SHB: variants seen among roughly 807,000 people sequenced by gnomAD.
SHB encodes SH2 domain containing adaptor protein B.
In SHB, 20 loss-of-function variants were observed where a neutral mutation model predicts 52.3. The observed-to-expected ratio is 0.38, with a 90% CI of 0.27 to 0.56. The LOEUF (loss-of-function observed/expected upper bound fraction) is 0.56. SHB is among the 20% of genes least tolerant of loss of function. The pLI, the probability that SHB is intolerant of heterozygous loss-of-function variation, is 0.71. For synonymous variants in SHB, 397 were observed against 316.5 expected (o/e 1.25, Z -2.70); for missense variants, 825 against 723.3 (o/e 1.14, Z -1.61).
rs1291062598 is a variant in SHB, at chr9:38,069,194, C to A, written c.-549G>T. 2 of 150,048 alleles carry A rather than the reference C, an allele frequency of 1.3e-5. No homozygotes were observed. The highest frequency in any genetic ancestry group is 1.8e-4 in the South Asian group (1 of 5,418). 9.3% of individuals were successfully genotyped at this position (150,048 alleles called of 1,614,324 possible). A position where few individuals can be genotyped will look rare whatever the true frequency, so the allele number is the denominator to read the frequency against. On this transcript the variant is annotated 5_prime_UTR_variant, in exon 1 of 6. Coordinates refer to ENST00000377707, the MANE Select transcript of SHB (RefSeq NM_003028.3). Reference sequence around the variant, plus strand: ...CGGCGCCCGCCGGAGCCCGCGCGCCCGTGCCCGTCCCGGCGGCGCCTGTCG... The same window carrying A: ...CGGCGCCCGCCGGAGCCCGCGCGCCAGTGCCCGTCCCGGCGGCGCCTGTCG...
At chr9:37,929,055 T>C (rs1194654254) in intron 5 of SHB, among the ~76,000 whole-genome samples, 1 of 152,228 alleles carries the variant, frequency 6.6e-6, no homozygotes, top group African/African-American at 2.4e-5. Flanking sequence ...GGGGTGGGCC[T>C]TGGGGTGCCT....
chr9:38,066,923 C>G (rs1032492788), intron 1 of SHB, among the ~76,000 whole-genome samples: 2 of 152,090 alleles, frequency 1.3e-5, no homozygotes, highest in African/African-American at 4.8e-5. Flanking sequence ...ACAACAGCCA[C>G]GCACCAGGGC....
At chr9:38,020,332 C>T (rs1821266405) in intron 1 of SHB, among the ~76,000 whole-genome samples, 1 of 152,096 alleles carries the variant, frequency 6.6e-6, no homozygotes. Flanking sequence ...TTCCTAGCCC[C>T]AATAATCTGT....
chr9:37,941,996 AAACT>A (rs1832439813), intron 5 of SHB, among the ~76,000 whole-genome samples: 1 of 152,186 alleles, frequency 6.6e-6, no homozygotes, highest in African/African-American at 2.4e-5. Flanking sequence ...CAGCAGCAAC[AAACT>A]AAGATTAATC....
At chr9:37,926,667 A>G (rs564153043) in intron 5 of SHB, among the ~76,000 whole-genome samples, 9 of 152,356 alleles carry the variant, frequency 5.9e-5, no homozygotes, top group African/African-American at 2.2e-4. Flanking sequence ...GTAGATAAAG[A>G]GGCGGTAGAG....
intron 5 of SHB, among the ~76,000 whole-genome samples, chr9:37,930,833 T>A (rs922498032): frequency 6.6e-6 from 1 of 151,982 alleles, no homozygotes; most frequent in African/African-American, 2.4e-5. Flanking sequence ...GAAAAGAAAG[T>A]TGGGGGCATC....
intron 1 of SHB, among the ~76,000 whole-genome samples, chr9:38,032,249 C>T (rs1400738396): frequency 2.0e-5 from 3 of 152,322 alleles, no homozygotes; most frequent in Admixed American, 1.3e-4. Flanking sequence ...TTCCTAATCA[C>T]CTCATTTTCA....
chr9:38,025,200 T>A (rs7850665), intron 1 of SHB, among the ~76,000 whole-genome samples: 1,792 of 152,330 alleles, frequency 0.012, 32 homozygotes, highest in African/African-American at 0.041. Flanking sequence ...CCCATCGCTG[T>A]GGACAGCTCT....
chr9:37,965,021 G>A (rs1203775236), intron 3 of SHB, among the ~76,000 whole-genome samples: 1 of 152,226 alleles, frequency 6.6e-6, no homozygotes, highest in Non-Finnish European at 1.5e-5. Flanking sequence ...CACTTATTTA[G>A]AATCCTAGAG....
In SHB at chr9:37,919,661, G is replaced by T; in HGVS notation, c.*160C>A. On this transcript the variant is annotated 3_prime_UTR_variant, in exon 6 of 6. Transcript: ENST00000377707. ...TTTATCCAGGCCTTCTCCAGCCCCCGTAAGTGGCAACAGCATTCTAGAGAC... is the reference window on the plus strand; with the variant it reads ...TTTATCCAGGCCTTCTCCAGCCCCCTTAAGTGGCAACAGCATTCTAGAGAC... 1.8e-6 allele frequency: 1 copy of T among 571,298 alleles called. No homozygotes were observed. Among genetic ancestry groups the T allele is most frequent in the Non-Finnish European group, 3.1e-6 (1 of 322,636 alleles). The allele number at this position is 571,298 out of a possible 1,614,324, so 35.4% of individuals were successfully genotyped here. A position where few individuals can be genotyped will look rare whatever the true frequency, so the allele number is the denominator to read the frequency against.
chr9:38,056,362 TG>T (rs1821821755), intron 1 of SHB, among the ~76,000 whole-genome samples: 1 of 152,214 alleles, frequency 6.6e-6, no homozygotes, highest in Non-Finnish European at 1.5e-5. Flanking sequence ...GACAGAGTCT[TG>T]CTCTGTCTTC....
chr9:38,063,716 T>G (rs1238086510), intron 1 of SHB, among the ~76,000 whole-genome samples: 1 of 152,184 alleles, frequency 6.6e-6, no homozygotes, highest in African/African-American at 2.4e-5. Flanking sequence ...AGAAGCTTCC[T>G]TTTTGGAAAG....
chr9:38,048,701 T>G (rs1821692374), intron 1 of SHB, among the ~76,000 whole-genome samples: 2 of 152,234 alleles, frequency 1.3e-5, no homozygotes, highest in African/African-American at 4.8e-5. Context: ...TTTTCCATCT[T>G]AACGATATTG....
At chr9:37,926,021 G>A (rs1276568742) in intron 5 of SHB, among the ~76,000 whole-genome samples, 1 of 152,150 alleles carries the variant, frequency 6.6e-6, no homozygotes, top group Non-Finnish European at 1.5e-5. Context: ...ACATGTACTT[G>A]CTTCCAACAG....
At chr9:38,039,549 C>T (rs757188604) in intron 1 of SHB, among the ~76,000 whole-genome samples, 3 of 152,260 alleles carry the variant, frequency 2.0e-5, no homozygotes, top group Non-Finnish European at 4.4e-5. Flanking sequence ...CTACCCTTGG[C>T]CCCTCCCTGT....
chr9:38,006,359 T>C (rs1160410612), intron 2 of SHB, among the ~76,000 whole-genome samples: 2 of 152,210 alleles, frequency 1.3e-5, no homozygotes, highest in Non-Finnish European at 2.9e-5. Context: ...GCCACACCCC[T>C]GCAGTGTGGG....
chr9:37,919,958 T>C lies in SHB; in HGVS notation c.1393A>G (p.Lys465Glu). The C allele has an allele frequency of 6.2e-7, 1 of 1,614,174 alleles. No homozygotes were observed. Among genetic ancestry groups the C allele is most frequent in the Non-Finnish European group, 8.5e-7 (1 of 1,180,014 alleles). Reference protein sequence around the residue: ...MHMKLAKTKEKYVLGQNSPPF... With the variant: ...MHMKLAKTKEEYVLGQNSPPF... Reference sequence around the variant, plus strand: ...GGGCTGTTCTGACCCAGAACGTATTTCTCTTTGGTTTTGGCCAGTTTCATG... The same window carrying C: ...GGGCTGTTCTGACCCAGAACGTATTCCTCTTTGGTTTTGGCCAGTTTCATG... Residue 465 changes from lysine (K) to glutamate (E), a missense_variant, in exon 6 of 6, where the codon AAA becomes GAA. Physicochemically the swap from Lys to Glu is moderately conservative, Grantham distance 56. Coordinates refer to ENST00000377707, the MANE Select transcript of SHB (RefSeq NM_003028.3).
intron 2 of SHB, among the ~76,000 whole-genome samples, chr9:38,000,480 T>C (rs1476232963): frequency 6.6e-6 from 1 of 152,242 alleles, no homozygotes; most frequent in Non-Finnish European, 1.5e-5. Flanking sequence ...CAGGGCAGCC[T>C]GCCCTTCACC....
At chr9:38,011,552 A>C (rs1821143754) in intron 2 of SHB, among the ~76,000 whole-genome samples, 1 of 152,172 alleles carries the variant, frequency 6.6e-6, no homozygotes, top group African/African-American at 2.4e-5. Context: ...ACTCTGCTTA[A>C]AACGCAGATC....
Sources: gnomAD v4.1 joint callset for allele counts (sites outside exome capture counted in the v4.1 genomes callset) on GRCh38, gnomAD v4.1.1 for gene constraint, MANE v1.5 for transcripts, NCBI Gene and HGNC (gene_info 2026-07-23, HGNC 2026-07-21) for gene names.